TRHDE: variants seen among roughly 807,000 people sequenced by gnomAD.
TRHDE encodes the protein thyrotropin releasing hormone degrading enzyme, also known as thyrotropin-releasing hormone-degrading ectoenzyme.
In TRHDE, 72 loss-of-function variants were observed where a neutral mutation model predicts 125.7. The ratio of observed to expected loss-of-function variants is 0.57; its 90% CI spans 0.47 to 0.70. The LOEUF (loss-of-function observed/expected upper bound fraction) is 0.70. Ranked by LOEUF, TRHDE falls within the 30% of genes least tolerant of loss-of-function variation. TRHDE has a pLI of 0.00. For synonymous variants in TRHDE, 509 were observed against 509.1 expected, an observed-to-expected ratio of 1.00 and a Z score of 0.00; for missense variants, 1,110 against 1,327.1, an observed-to-expected ratio of 0.84 and a Z score of 2.54.
At chr12:72,418,638 G>A (rs1345593195) in intron 3 of TRHDE, among the ~76,000 whole-genome samples, 1 of 151,944 alleles carries the variant, frequency 6.6e-6, no homozygotes, top group Non-Finnish European at 1.5e-5. Flanking sequence ...CTTTTAAGGG[G>A]AAATCAGAGT....
At chr12:72,361,364 A>G (rs1003152240) in intron 2 of TRHDE, among the ~76,000 whole-genome samples, 2 of 151,880 alleles carry the variant, frequency 1.3e-5, no homozygotes, top group Non-Finnish European at 2.9e-5. Context: ...TTATGCTTGG[A>G]CATGCATTAT....
intron 5 of TRHDE, among the ~76,000 whole-genome samples, chr12:72,490,765 A>C (rs952620936): frequency 2.0e-5 from 3 of 151,476 alleles, no homozygotes; most frequent in African/African-American, 4.8e-5. Flanking sequence ...GTAAAAAAAA[A>C]AAAAAAACAA....
At chr12:72,512,571 T>C (rs1878648593) in intron 6 of TRHDE, among the ~76,000 whole-genome samples, 1 of 140,760 alleles carries the variant, frequency 7.1e-6, no homozygotes, top group African/African-American at 2.6e-5. Context: ...TAATATAATA[T>C]ATAATCATAT....
At chr12:72,478,407 G>A (rs888244653) in intron 5 of TRHDE, among the ~76,000 whole-genome samples, 2 of 152,060 alleles carry the variant, frequency 1.3e-5, no homozygotes, top group East Asian at 1.9e-4. Context: ...GCTTTTTAAG[G>A]CTATTTTATT....
chr12:72,384,362 A>G (rs930915114), intron 3 of TRHDE, among the ~76,000 whole-genome samples: 1 of 152,084 alleles, frequency 6.6e-6, no homozygotes, highest in Non-Finnish European at 1.5e-5. Context: ...CCTCAAGGAG[A>G]TTGTGGTTTT....
chr12:72,417,997 C>T (rs538967254), intron 3 of TRHDE, among the ~76,000 whole-genome samples: 1 of 152,078 alleles, frequency 6.6e-6, no homozygotes, highest in South Asian at 2.1e-4. Flanking sequence ...GATGTCCCAA[C>T]TATTATTTTA....
intron 2 of TRHDE, among the ~76,000 whole-genome samples, chr12:72,240,335 G>GTA (rs550773977): frequency 0.017 from 2,387 of 144,098 alleles, 67 homozygotes; most frequent in African/African-American, 0.056. Context: ...ATATTTGTGT[G>GTA]TATATATATA....
At chr12:72,613,436 G>A (rs1215143094) in intron 12 of TRHDE, among the ~76,000 whole-genome samples, 1 of 152,108 alleles carries the variant, frequency 6.6e-6, no homozygotes, top group Non-Finnish European at 1.5e-5. Context: ...TTAAAAAAAT[G>A]GTTATGTTTA....
chr12:72,569,177 T>G (rs1812560857), intron 10 of TRHDE, among the ~76,000 whole-genome samples: 1 of 152,142 alleles, frequency 6.6e-6, no homozygotes, highest in Admixed American at 6.5e-5. Context: ...CAGAGAGAGA[T>G]GAGATTCTAT....
intron 2 of TRHDE, among the ~76,000 whole-genome samples, chr12:72,306,436 C>T (rs538465667): frequency 6.6e-6 from 1 of 152,190 alleles, no homozygotes; most frequent in African/African-American, 2.4e-5. Flanking sequence ...ACATAAAATT[C>T]TAGTACTGAA....
chr12:72,119,515 T>G (rs576324707), intron 2 of TRHDE, among the ~76,000 whole-genome samples: 1 of 152,350 alleles, frequency 6.6e-6, no homozygotes, highest in South Asian at 2.1e-4. Flanking sequence ...ATTCTGCAAC[T>G]GTTGGATGAT....
Position 72,323,133 on chromosome 12 carries a change from A to G in TRHDE, c.1188+36179A>G, listed in dbSNP as rs189332919. ...GGAAAGGGGAAAAGAAAGGTTACAA[A>G]AATGTGTCTATATAAAGCACAATGC... On this transcript the variant is annotated intron_variant, in intron 2 of 18. Coordinates refer to ENST00000261180, the MANE Select transcript of TRHDE (RefSeq NM_013381.3). 3.1e-4 allele frequency among the ~76,000 whole-genome samples: 47 copies of G among 152,312 alleles called. No homozygotes were observed. In the East Asian group the frequency reaches 8.9e-3, roughly 29 times the overall value.
chr12:72,302,205 TA>T (rs1027362013), intron 2 of TRHDE, among the ~76,000 whole-genome samples: 1 of 151,568 alleles, frequency 6.6e-6, no homozygotes, highest in Non-Finnish European at 1.5e-5. Context: ...ATTAAATCAG[TA>T]ACCTAAATGT....
intron 12 of TRHDE, among the ~76,000 whole-genome samples, chr12:72,596,931 T>C (rs757988305): frequency 2.0e-5 from 3 of 152,206 alleles, no homozygotes; most frequent in Non-Finnish European, 4.4e-5. Flanking sequence ...ATTATGAAAA[T>C]CTATTCTGAA....
intron 5 of TRHDE, among the ~76,000 whole-genome samples, chr12:72,481,807 C>T (rs954495005): frequency 6.6e-6 from 1 of 151,884 alleles, no homozygotes; most frequent in African/African-American, 2.4e-5. Flanking sequence ...CCACTGATTA[C>T]AGTCTTATTT....
At chr12:72,609,795 G>A (rs1468481689) in intron 12 of TRHDE, among the ~76,000 whole-genome samples, 1 of 152,122 alleles carries the variant, frequency 6.6e-6, no homozygotes, top group Non-Finnish European at 1.5e-5. Context: ...CAGCCATATA[G>A]GAAGTTAGAA....
At chr12:72,180,533 C>G (rs968734416) in intron 2 of TRHDE, among the ~76,000 whole-genome samples, 9 of 151,972 alleles carry the variant, frequency 5.9e-5, no homozygotes, top group Admixed American at 5.9e-4. Flanking sequence ...ATTTTAGACC[C>G]TTGAGTTTAT....
intron 13 of TRHDE, among the ~76,000 whole-genome samples, chr12:72,620,455 G>A (rs544267591): frequency 4.0e-5 from 6 of 151,760 alleles, no homozygotes; most frequent in Non-Finnish European, 5.9e-5. Context: ...TCTGAGAGGC[G>A]GAGGATGCAG....
At chr12:72,539,130 C>T (rs1482473875) in intron 6 of TRHDE, among the ~76,000 whole-genome samples, 1 of 151,930 alleles carries the variant, frequency 6.6e-6, no homozygotes, top group African/African-American at 2.4e-5. Context: ...ACAAATAACA[C>T]TTCTTTAGAC....
Sources: gnomAD v4.1 joint callset for allele counts (sites outside exome capture counted in the v4.1 genomes callset) on GRCh38, gnomAD v4.1.1 for gene constraint, MANE v1.5 for transcripts, NCBI Gene and HGNC (gene_info 2026-07-23, HGNC 2026-07-21) for gene names.